KAZN: variants seen among roughly 807,000 people sequenced by gnomAD.
KAZN encodes the protein kazrin.
Under a neutral mutation model 87.4 loss-of-function variants are expected in KAZN, and 40 were observed. That is an observed-to-expected ratio of 0.46 (90% CI 0.36 to 0.60). KAZN has a LOEUF of 0.60. Among genes scored for constraint, KAZN ranks in the 20% least tolerant of loss-of-function variants. The pLI is 0.00. For missense variants in KAZN, 898 were observed against 1,073.9 expected (o/e 0.84, Z 2.29); for synonymous variants, 466 against 458.3 (o/e 1.02, Z -0.22).
At chr1:14,712,906 A>C (rs1372315434) in intron 1 of KAZN, among the ~76,000 whole-genome samples, 1 of 152,222 alleles carries the variant, frequency 6.6e-6, no homozygotes, top group Non-Finnish European at 1.5e-5. Flanking sequence ...GTGTTTTCCC[A>C]GCCCTCGTGG....
At chr1:14,777,375 T>C (rs921408546) in intron 1 of KAZN, among the ~76,000 whole-genome samples, 1 of 152,170 alleles carries the variant, frequency 6.6e-6, no homozygotes, top group Non-Finnish European at 1.5e-5. Flanking sequence ...ACGTAGCTAA[T>C]GAGAGTACTA....
chr1:14,386,465 C>G (rs36048036), intron 2 of KAZN, among the ~76,000 whole-genome samples: 11,268 of 151,984 alleles, frequency 0.074, 491 homozygotes, highest in East Asian at 0.15. Flanking sequence ...TTGTTCCTTT[C>G]CATGTTTAGC....
intron 10 of KAZN, among the ~76,000 whole-genome samples, chr1:15,097,876 C>T (rs1383727852): frequency 6.6e-6 from 1 of 152,162 alleles, no homozygotes. Flanking sequence ...AGTCACACTA[C>T]AAAAAACCTG....
chr1:14,080,163 A>G (rs1643616520), intron 1 of KAZN, among the ~76,000 whole-genome samples: 1 of 152,238 alleles, frequency 6.6e-6, no homozygotes, highest in South Asian at 2.1e-4. Context: ...ACAGATTGAC[A>G]AGAGGAAAAC....
intron 1 of KAZN, among the ~76,000 whole-genome samples, chr1:14,695,508 A>ATTTTTTTT (rs1230082930): frequency 4.4e-5 from 3 of 67,782 alleles, no homozygotes; most frequent in African/African-American, 1.1e-4. Context: ...ACTACATTCC[A>ATTTTTTTT]TCTTTTTTTT....
intron 1 of KAZN, among the ~76,000 whole-genome samples, chr1:14,732,543 G>A (rs1358944207): frequency 6.6e-6 from 1 of 152,136 alleles, no homozygotes; most frequent in African/African-American, 2.4e-5. Flanking sequence ...GGAGGCTGAG[G>A]TCAGAGGATG....
intron 2 of KAZN, among the ~76,000 whole-genome samples, chr1:15,034,072 ATT>A: frequency 6.6e-6 from 1 of 152,114 alleles, no homozygotes; most frequent in East Asian, 1.9e-4. Context: ...TCTTTTTATT[ATT>A]GAGTTGCAAG....
At chr1:15,059,349 A>C (rs960351086) in intron 5 of KAZN, among the ~76,000 whole-genome samples, 13 of 152,206 alleles carry the variant, frequency 8.5e-5, no homozygotes, top group African/African-American at 3.1e-4. Flanking sequence ...CCTGATGGGC[A>C]ACAGGAATGG....
chr1:14,426,274 G>T (rs1402913311), intron 2 of KAZN, among the ~76,000 whole-genome samples: 1 of 152,136 alleles, frequency 6.6e-6, no homozygotes, highest in East Asian at 1.9e-4. Context: ...CACCTCTGCA[G>T]AAAGGCCTGC....
chr1:13,902,520 C>G (rs1364444124), intron 1 of KAZN, among the ~76,000 whole-genome samples: 1 of 152,124 alleles, frequency 6.6e-6, no homozygotes. Flanking sequence ...GTTCCCAAAC[C>G]CTGGCGGCTA....
At chr1:14,121,310 A>G (rs1345694175) in intron 1 of KAZN, among the ~76,000 whole-genome samples, 1 of 152,228 alleles carries the variant, frequency 6.6e-6, no homozygotes, top group Non-Finnish European at 1.5e-5. Context: ...ACTACGGTGA[A>G]TGAAGCCTGA....
intron 2 of KAZN, among the ~76,000 whole-genome samples, chr1:14,251,643 C>CATTTTTTTTTTTTT: frequency 1.1e-5 from 1 of 90,370 alleles, no homozygotes. Context: ...TTCTCCCGGA[C>CATTTTTTTTTTTTT]TTTTTTTTTT....
At chr1:14,758,538 C>T (rs1179171998) in intron 1 of KAZN, among the ~76,000 whole-genome samples, 1 of 151,932 alleles carries the variant, frequency 6.6e-6, no homozygotes, top group Non-Finnish European at 1.5e-5. Context: ...GTCTTTAACT[C>T]CTGGGCTTAA....
chr1:14,783,529 C>T lies in KAZN; in HGVS notation c.227-177155C>T, dbSNP rs1645417561. On this transcript the variant is annotated intron_variant, in intron 1 of 14. Coordinates refer to ENST00000376030, the MANE Select transcript of KAZN (RefSeq NM_201628.3). Reference sequence around the variant, plus strand: ...CAAAAATTTATCTATGTGCCACGTCCTGGGCTAGACCCTAGAGATAAGAGG... The same window carrying T: ...CAAAAATTTATCTATGTGCCACGTCTTGGGCTAGACCCTAGAGATAAGAGG... 2.0e-5 allele frequency among the ~76,000 whole-genome samples: 3 copies of T among 152,106 alleles called. No individual in the cohort carries two copies. The South Asian group carries it at 6.2e-4, about 32-fold the overall frequency.
chr1:14,775,360 C>T (rs552496646), intron 1 of KAZN, among the ~76,000 whole-genome samples: 3 of 152,234 alleles, frequency 2.0e-5, no homozygotes, highest in African/African-American at 4.8e-5. Flanking sequence ...GTTGTTCCAG[C>T]GTCATGCTTC....
At chr1:14,449,916 A>G (rs1667176586) in intron 2 of KAZN, among the ~76,000 whole-genome samples, 1 of 152,088 alleles carries the variant, frequency 6.6e-6, no homozygotes, top group African/African-American at 2.4e-5. Flanking sequence ...AAATGAGGGG[A>G]TACATTCCCA....
chr1:14,576,305 G>A (rs1409615960), intron 2 of KAZN, among the ~76,000 whole-genome samples: 2 of 150,980 alleles, frequency 1.3e-5, no homozygotes, highest in Non-Finnish European at 1.5e-5. Context: ...TGGATGGATG[G>A]ATGGATGGAT....
chr1:15,018,290 G>A (rs1046957195), intron 2 of KAZN, among the ~76,000 whole-genome samples: 10 of 152,056 alleles, frequency 6.6e-5, no homozygotes, highest in African/African-American at 2.2e-4. Flanking sequence ...TGAGAATGGC[G>A]GTCTAAATAT....
At chr1:15,082,309 A>G (rs1456073880) in intron 8 of KAZN, among the ~76,000 whole-genome samples, 2 of 152,064 alleles carry the variant, frequency 1.3e-5, no homozygotes, top group East Asian at 3.9e-4. Flanking sequence ...CACATTTACA[A>G]CTAAAGCTTT....
Sources: allele counts gnomAD v4.1 joint callset (sites outside exome capture counted in the v4.1 genomes callset), GRCh38; gene constraint gnomAD v4.1.1; transcripts MANE v1.5; gene names NCBI Gene and HGNC (gene_info 2026-07-23, HGNC 2026-07-21).